Variants in PRH1 observed in about 807,000 individuals in gnomAD.
The protein encoded by PRH1 is proline rich protein HaeIII subfamily 1, also known as salivary acidic proline-rich phosphoprotein 1/2.
In PRH1, 7 loss-of-function variants were observed where a neutral mutation model predicts 7.9. That is an observed-to-expected ratio of 0.89 (90% confidence interval 0.50 to 1.67). The LOEUF (loss-of-function observed/expected upper bound fraction) is 1.67, where lower values mean the gene tolerates loss of function less well. Among genes scored for constraint, PRH1 ranks in the 40% most tolerant of loss-of-function variants. The probability of loss-of-function intolerance (pLI) is 0.00; values close to 1 mark genes in which losing one functional copy is unlikely to be tolerated. For synonymous variants in PRH1, 45 were observed against 80.8 expected (o/e 0.56, Z 2.38); for missense variants, 109 against 223.6 (o/e 0.49, Z 3.27).
downstream of PRH1, among the ~76,000 whole-genome samples, chr12:11,119,859 G>C (rs993408291): frequency 6.6e-6 from 1 of 152,102 alleles, no homozygotes; most frequent in Non-Finnish European, 1.5e-5. Context: ...CTGAAATGTG[G>C]TCACCAATCA....
chr12:11,074,269 G>GT (rs375527425), intron 1 of PRH1, among the ~76,000 whole-genome samples: 1 of 130,030 alleles, frequency 7.7e-6, no homozygotes, highest in Non-Finnish European at 1.7e-5. Flanking sequence ...GATTAGTTTT[G>GT]GGGAAGGAGC....
chr12:11,171,449 C>T (rs1947841683), exon 1 of PRH1: 1 of 1,231,990 alleles, frequency 8.1e-7, no homozygotes, highest in East Asian at 3.2e-5. Context: ...GCAAGGGGCT[C>T]TCCCGCACCC....
At chr12:11,157,254 A>G (rs1012194907) in intron 1 of PRH1, among the ~76,000 whole-genome samples, 5 of 152,352 alleles carry the variant, frequency 3.3e-5, no homozygotes, top group East Asian at 1.9e-4. Flanking sequence ...CTCTTATTAC[A>G]TGAAAATTCA....
intron 2 of PRH1, among the ~76,000 whole-genome samples, chr12:10,956,900 A>G (rs1937991593): frequency 6.6e-6 from 1 of 152,142 alleles, no homozygotes; most frequent in Admixed American, 6.6e-5. Flanking sequence ...AGACTGTTCA[A>G]TTAAATCCAA....
At chr12:11,000,151 T>A (rs1371583102) in intron 1 of PRH1, among the ~76,000 whole-genome samples, 2 of 152,120 alleles carry the variant, frequency 1.3e-5, no homozygotes, top group Non-Finnish European at 2.9e-5. Context: ...TTTGTTCCTG[T>A]CACCTTTACC....
intron 2 of PRH1, among the ~76,000 whole-genome samples, chr12:10,941,852 C>T (rs555801398): frequency 6.6e-6 from 1 of 152,256 alleles, no homozygotes; most frequent in African/African-American, 2.4e-5. Context: ...TGGGTAGGCT[C>T]TATCAGAGAA....
intron 1 of PRH1, among the ~76,000 whole-genome samples, chr12:10,883,778 T>C (rs1489693937): frequency 6.6e-6 from 1 of 152,206 alleles, no homozygotes; most frequent in Admixed American, 6.5e-5. Context: ...CCTTCATTAA[T>C]GCTCATCCAC....
intron 2 of PRH1, among the ~76,000 whole-genome samples, chr12:10,915,236 A>C (rs1949957437): frequency 6.6e-6 from 1 of 152,264 alleles, no homozygotes; most frequent in African/African-American, 2.4e-5. Flanking sequence ...TTATATTTAC[A>C]GAAAAAGGTT....
intron 1 of PRH1, among the ~76,000 whole-genome samples, chr12:11,012,918 C>G (rs1361340718): frequency 6.6e-6 from 1 of 152,020 alleles, no homozygotes; most frequent in Non-Finnish European, 1.5e-5. Context: ...TCTGCAACAA[C>G]TAGGATAAGA....
At chr12:10,921,073 A>G (rs1268045235) in intron 2 of PRH1, among the ~76,000 whole-genome samples, 7 of 152,036 alleles carry the variant, frequency 4.6e-5, no homozygotes, top group Admixed American at 2.0e-4. Context: ...ATATATTATG[A>G]GACTAATTTA....
chr12:11,110,784 G>GA (rs1309060743), intron 1 of PRH1, among the ~76,000 whole-genome samples: 7 of 151,970 alleles, frequency 4.6e-5, no homozygotes, highest in South Asian at 2.1e-4. Context: ...ATAATTATAG[G>GA]AAAAAAATCA....
chr12:10,929,028 T>A (rs1019478216), intron 2 of PRH1, among the ~76,000 whole-genome samples: 1 of 152,198 alleles, frequency 6.6e-6, no homozygotes, highest in African/African-American at 2.4e-5. Context: ...GTCCAAGTCA[T>A]AGTTGTACCT....
chr12:11,131,340 C>T (rs1481559685), intron 1 of PRH1, among the ~76,000 whole-genome samples: 1 of 149,860 alleles, frequency 6.7e-6, no homozygotes, highest in Non-Finnish European at 1.5e-5. Context: ...TCATACCAGA[C>T]ATCACCACAC....
chr12:10,898,885 G>A (rs1335081965), intron 2 of PRH1, among the ~76,000 whole-genome samples: 2 of 152,234 alleles, frequency 1.3e-5, no homozygotes, highest in Admixed American at 6.5e-5. Context: ...GAAGAACAAG[G>A]AAAGCAGTGT....
chr12:11,056,450 C>T lies in PRH1; in HGVS notation n.124-9262G>A, dbSNP rs149688309. On this transcript the variant is annotated intron_variant and non_coding_transcript_variant, in intron 1 of 4. Coordinates refer to the PRH1 transcript ENST00000541977. ...GGATCTTGGAGTCAGACTGCCAGGA[C>T]AGGAAACCAGATTCCCTGCTTGGTA... 2.6e-5 allele frequency among the ~76,000 whole-genome samples: 4 copies of T among 152,240 alleles called. No homozygotes were observed. In the East Asian group the frequency reaches 7.7e-4, roughly 29 times the overall value.
intron 2 of PRH1, among the ~76,000 whole-genome samples, chr12:10,927,232 C>T (rs1252353109): frequency 6.6e-6 from 1 of 152,158 alleles, no homozygotes; most frequent in South Asian, 2.1e-4. Context: ...TCTCCGTTAC[C>T]CACATCATCA....
At chr12:11,162,868 T>C (rs938134535) in intron 1 of PRH1, among the ~76,000 whole-genome samples, 31 of 152,328 alleles carry the variant, frequency 2.0e-4, no homozygotes, top group African/African-American at 7.2e-4. Flanking sequence ...TGTGTTAATA[T>C]TTGCGAAGAC....
chr12:11,146,501 A>T (rs1946865597), intron 1 of PRH1, among the ~76,000 whole-genome samples: 1 of 152,100 alleles, frequency 6.6e-6, no homozygotes, highest in South Asian at 2.1e-4. Flanking sequence ...CTCTTTCTGT[A>T]TTCATTATCA....
At chr12:10,919,082 T>C (rs930582272) in intron 2 of PRH1, among the ~76,000 whole-genome samples, 30 of 152,274 alleles carry the variant, frequency 2.0e-4, no homozygotes, top group Admixed American at 2.0e-3. Flanking sequence ...ATTTTCTCTG[T>C]TTGATTGTTT....
Sources: allele counts gnomAD v4.1 joint callset (sites outside exome capture counted in the v4.1 genomes callset), GRCh38; gene constraint gnomAD v4.1.1; transcripts MANE v1.5; gene names NCBI Gene and HGNC (gene_info 2026-07-23, HGNC 2026-07-21).